The following ZNF573 variants were observed in gnomAD, a reference collection of about 807,000 sequenced individuals.
ZNF573 encodes zinc finger protein 573.
ZNF573 carries 41 observed loss-of-function variants against 57.4 expected under a neutral mutation model. That is an observed-to-expected ratio of 0.71 (90% CI 0.56 to 0.93). The LOEUF is 0.93. ZNF573 is among the 40% of genes least tolerant of loss of function. The pLI is 0.00. For missense variants in ZNF573, 730 were observed against 794.8 expected (o/e 0.92, Z 0.98); for synonymous variants, 249 against 261.0 (o/e 0.95, Z 0.44).
intron 4 of ZNF573, 144 bp from the exon 5 acceptor site, chr19:37,740,338 C>A: frequency 1.4e-6 from 1 of 707,406 alleles, no homozygotes; most frequent in Non-Finnish European, 2.3e-6. Flanking sequence ...TGAAAAAGGC[C>A]AAAAAGAGTT....
At position 37,769,957 on chromosome 19, in the gene ZNF573, A is replaced by G. The variant is rs1201374482; in HGVS notation, c.295+48T>C. The G allele has an allele frequency of 4.7e-6, 7 of 1,474,506 alleles. No individual in the cohort carries two copies. In the South Asian group the frequency reaches 8.5e-5, roughly 18 times the overall value. 91.3% of individuals were successfully genotyped at this position (1,474,506 alleles called of 1,614,324 possible). A position where few individuals can be genotyped will look rare whatever the true frequency, so the allele number is the denominator to read the frequency against. On this transcript the variant is annotated intron_variant, in intron 4 of 4. Coordinates refer to ENST00000536220, the MANE Select transcript of ZNF573 (RefSeq NM_001172690.2). ...AACACAAAAATGTCTCCTTTCTCTT[A>G]CCACATGGGCTGTGGCCGGCCCTGA...
chr19:37,777,463 C>A (rs2045720111), intron 1 of ZNF573, among the ~76,000 whole-genome samples: 1 of 151,980 alleles, frequency 6.6e-6, no homozygotes, highest in Admixed American at 6.5e-5. Flanking sequence ...TACTACTCAG[C>A]CATAAAAAGG....
Position 37,776,919 on chromosome 19 carries a change from T to C in ZNF573, c.-23+2625A>G, listed in dbSNP as rs138062401. 5.5e-4 allele frequency among the ~76,000 whole-genome samples: 83 copies of C among 152,218 alleles called. 1 individual carries two copies. In the East Asian group the frequency reaches 0.011, roughly 21 times the overall value. ...TCACTAATGATCAGGAAAATGCCAATAAAAATCACAATGTGATACCAATTT... is the reference window on the plus strand; with the variant it reads ...TCACTAATGATCAGGAAAATGCCAACAAAAATCACAATGTGATACCAATTT... On this transcript the variant is annotated intron_variant, in intron 1 of 4. Coordinates refer to ENST00000536220, the MANE Select transcript of ZNF573 (RefSeq NM_001172690.2).
intron 4 of ZNF573, among the ~76,000 whole-genome samples, chr19:37,753,066 G>A (rs549430578): frequency 2.0e-5 from 3 of 152,156 alleles, no homozygotes; most frequent in Admixed American, 2.0e-4. Flanking sequence ...ATCAGCTTGT[G>A]CCAAAAAGCA....
At chr19:37,746,059 G>A (rs1233959830) in intron 4 of ZNF573, among the ~76,000 whole-genome samples, 1 of 152,174 alleles carries the variant, frequency 6.6e-6, no homozygotes, top group Non-Finnish European at 1.5e-5. Context: ...TATAGAGTAT[G>A]TAGTCTGACC....
chr19:37,762,367 T>A (rs1355312555), intron 4 of ZNF573, among the ~76,000 whole-genome samples: 1 of 152,126 alleles, frequency 6.6e-6, no homozygotes, highest in Non-Finnish European at 1.5e-5. Flanking sequence ...TGGGAGAAAT[T>A]TGGATGTGGA....
rs555998721 is a variant in ZNF573 at position 37,754,434 on chromosome 19, C to T, written c.296-14240G>A. ...ACTACGGAGGCTGAGGCAGGAGAAT[C>T]GCTTGAACCCGGGGGGCAGAGGTTG... On this transcript the variant is annotated intron_variant, in intron 4 of 4. Coordinates refer to ENST00000536220, the MANE Select transcript of ZNF573 (RefSeq NM_001172690.2). 3.2e-4 allele frequency among the ~76,000 whole-genome samples: 48 copies of T among 150,364 alleles called. 1 individual carries two copies. Among genetic ancestry groups the T allele is most frequent in the African/African-American group, 1.1e-3 (46 of 40,862 alleles).
chr19:37,756,951 TA>T (rs1203123378), intron 4 of ZNF573, among the ~76,000 whole-genome samples: 1 of 151,894 alleles, frequency 6.6e-6, no homozygotes, highest in African/African-American at 2.4e-5. Context: ...GAGATTAGAA[TA>T]ACCATGAGGG....
rs150814955 is a variant in ZNF573, at chr19:37,741,531, C to CA, written c.296-1338dup. The stretch of plus-strand genomic sequence containing the variant: ...GGATGCAAGGCTGGTTCAACATACG[C>CA]AAATCGATAAACATAATCTATCACA... On this transcript the variant is annotated intron_variant, in intron 4 of 4. Transcript: ENST00000536220. Among the ~76,000 whole-genome samples, 980 of 152,184 alleles carry CA rather than the reference C, an allele frequency of 6.4e-3. 30 individuals carry two copies. Among genetic ancestry groups the CA allele is most frequent in the East Asian group, 0.053 (277 of 5,180 alleles).
intron 4 of ZNF573, among the ~76,000 whole-genome samples, chr19:37,763,824 G>T (rs745340120): frequency 6.6e-6 from 1 of 152,124 alleles, no homozygotes; most frequent in Non-Finnish European, 1.5e-5. Context: ...AACACTTTGG[G>T]AGGCCAAGGT....
At chr19:37,740,314 ATGG>A in intron 4 of ZNF573, 120 bp from the exon 5 acceptor site, 1 of 955,668 alleles carries the variant, frequency 1.0e-6, no homozygotes, top group Non-Finnish European at 1.5e-6. Context: ...ATTCAAAAAT[ATGG>A]TTACGAAATT....
chr19:37,770,468 A>G, intron 3 of ZNF573: 3 of 178,180 alleles, frequency 1.7e-5, no homozygotes, highest in Non-Finnish European at 2.3e-5. Context: ...AACTGGACAT[A>G]ATAATACTAC....
At chr19:37,761,592 T>C (rs1353890613) in intron 4 of ZNF573, among the ~76,000 whole-genome samples, 1 of 152,226 alleles carries the variant, frequency 6.6e-6, no homozygotes, top group Non-Finnish European at 1.5e-5. Flanking sequence ...TTTGTTTGAC[T>C]GTTGGTCATA....
intron 4 of ZNF573, among the ~76,000 whole-genome samples, chr19:37,749,138 G>A (rs900660258): frequency 6.6e-6 from 1 of 151,732 alleles, no homozygotes; most frequent in African/African-American, 2.4e-5. Flanking sequence ...ATAGTTAAGA[G>A]GTGAAATTTA....
intron 1 of ZNF573, among the ~76,000 whole-genome samples, chr19:37,775,957 A>G (rs1293108626): frequency 1.3e-5 from 2 of 152,236 alleles, no homozygotes; most frequent in East Asian, 3.9e-4. Context: ...AAGGAAAACT[A>G]CAAAACACTG....
Position 37,770,050 on chromosome 19 carries a change from C to G in ZNF573, c.250G>C (p.Gly84Arg), listed in dbSNP as rs1266050998. The G allele has an allele frequency of 2.9e-5, 45 of 1,551,822 alleles. No homozygotes were observed. The highest frequency in any genetic ancestry group is 3.6e-5 in the Non-Finnish European group (41 of 1,147,208). The part of the protein sequence containing the change: ...KPVVVDLLER[G>R]KEPWMILREE... ...CTCAAAATCATCCAGGGCTCTTTTCCTCGCTCCAGTAAATCAACCACAACT... is the reference window on the plus strand; with the variant it reads ...CTCAAAATCATCCAGGGCTCTTTTCGTCGCTCCAGTAAATCAACCACAACT... The change falls in exon 4 of 5, where the codon GGA becomes CGA. Residue 84 changes from glycine to arginine, a missense_variant. Coordinates refer to ENST00000536220, the MANE Select transcript of ZNF573 (RefSeq NM_001172690.2).
In ZNF573 at chr19:37,739,114, C is replaced by G. The variant is rs773384963; in HGVS notation, c.1376G>C (p.Arg459Pro). 6.2e-7 allele frequency: 1 copy of G among 1,612,958 alleles called. No individual in the cohort carries two copies. Among genetic ancestry groups the G allele is most frequent in the Non-Finnish European group, 8.5e-7 (1 of 1,179,776 alleles). Residue 459 changes from arginine to proline, a missense_variant, in exon 5 of 5, where the codon CGA (arginine) becomes CCA (proline). By Grantham distance (103) the Arg-to-Pro change is moderately radical (BLOSUM62 -2). Transcript: ENST00000536220. ...CTTACCAGTGTGAATATTCTGATGT[C>G]GAGTAAGATTTCTATACAAAGTAAA... ...KTFTLYRNLTRHQNIHTGKKL... is the reference protein window; with the variant it reads ...KTFTLYRNLTPHQNIHTGKKL...
At chr19:37,761,606 C>T (rs747967847) in intron 4 of ZNF573, among the ~76,000 whole-genome samples, 1 of 152,132 alleles carries the variant, frequency 6.6e-6, no homozygotes, top group Non-Finnish European at 1.5e-5. Flanking sequence ...GGTCATAAGA[C>T]CCCCATTCCA....
rs977779808 is a variant in ZNF573 at position 37,771,620 on chromosome 19, T to C, written c.146A>G (p.Gln49Arg). 1.9e-6 allele frequency: 3 copies of C among 1,605,416 alleles called. No individual in the cohort carries two copies. In the East Asian group the frequency reaches 6.8e-5, roughly 37 times the overall value. ...RQEWEYLDPN[Q>R]RDLYRDVMLE... ...CATCACATCCCTGTATAAGTCCCTC[T>C]GATTAGGGTCCAGGTATTCCCACTC... Residue 49 changes from glutamine to arginine, a missense_variant, in exon 3 of 5, where the codon CAG becomes CGG. Coordinates refer to ENST00000536220, the MANE Select transcript of ZNF573 (RefSeq NM_001172690.2).
Sources: gnomAD v4.1 joint callset for allele counts (sites outside exome capture counted in the v4.1 genomes callset) on GRCh38, gnomAD v4.1.1 for gene constraint, MANE v1.5 for transcripts, NCBI Gene and HGNC (gene_info 2026-07-23, HGNC 2026-07-21) for gene names.